PRUNE1: variants seen among roughly 807,000 people sequenced by gnomAD.
The protein encoded by PRUNE1 is exopolyphosphatase PRUNE1.
PRUNE1 carries 25 observed loss-of-function variants against 42.5 expected under a neutral mutation model. The observed-to-expected ratio is 0.59, with a 90% CI of 0.43 to 0.82. The LOEUF (loss-of-function observed/expected upper bound fraction) is 0.82, where lower values mean the gene tolerates loss of function less well. Among genes scored for constraint, PRUNE1 ranks in the 40% least tolerant of loss-of-function variants. The pLI, the probability that PRUNE1 is intolerant of heterozygous loss-of-function variation, is 0.00. For missense variants in PRUNE1, 443 were observed against 539.3 expected (o/e 0.82, Z 1.77); for synonymous variants, 203 against 217.1 (o/e 0.93, Z 0.57).
At chr1:151,032,228 G>A (rs377136568) in intron 7 of PRUNE1, among the ~76,000 whole-genome samples, 10 of 141,710 alleles carry the variant, frequency 7.1e-5, no homozygotes, top group African/African-American at 2.6e-4. Flanking sequence ...CTGGGTAACA[G>A]AGCAAGAATC....
chr1:151,027,804 C>T (rs1380917205), intron 6 of PRUNE1, among the ~76,000 whole-genome samples: 6 of 148,826 alleles, frequency 4.0e-5, no homozygotes, highest in Admixed American at 1.3e-4. Flanking sequence ...ATGTATGTGT[C>T]GATGGGGTCT....
Position 151,026,623 on chromosome 1 carries a change from CA to C in PRUNE1, c.680-602del, listed in dbSNP as rs587668739. On this transcript the variant is annotated intron_variant, in intron 5 of 7. Transcript: ENST00000271620. The stretch of plus-strand genomic sequence containing the variant: ...GAGTAAACAAAAGATGAAGAGAACC[CA>C]AAAAAAACTGTATTCTTGTACTCAG... Among the ~76,000 whole-genome samples the C allele has an allele frequency of 5.4e-3, 815 of 150,882 alleles. 6 individuals carry two copies. Among genetic ancestry groups the C allele is most frequent in the Non-Finnish European group, 8.4e-3 (568 of 67,694 alleles).
chr1:151,028,435 T>G (rs1675017425), intron 6 of PRUNE1, among the ~76,000 whole-genome samples: 1 of 151,940 alleles, frequency 6.6e-6, no homozygotes, highest in Non-Finnish European at 1.5e-5. Context: ...TTTGTTTTTG[T>G]TTTTTGAGAC....
Position 151,025,504 on chromosome 1 carries a change from C to T in PRUNE1, c.521-11C>T. 1 of 1,611,252 alleles carries T rather than the reference C, an allele frequency of 6.2e-7. No homozygotes were observed. Among genetic ancestry groups the T allele is most frequent in the Non-Finnish European group, 8.5e-7 (1 of 1,178,788 alleles). On this transcript the variant is annotated splice_polypyrimidine_tract_variant and intron_variant, in intron 4 of 7. Transcript: ENST00000271620. ...ACAGGATTCAAGTTCCACCATCTCC[C>T]TTCTCCACAGGAACCATCATCCTGG...
At position 151,034,260 on chromosome 1, in the gene PRUNE1, G is replaced by A. The variant is rs924649910; in HGVS notation, c.*26G>A. ...CTGTTGAGAGGCGAGGAGGTAGTGGGTGAGGCTACCTGACTCACTTCAAAT... is the reference window on the plus strand; with the variant it reads ...CTGTTGAGAGGCGAGGAGGTAGTGGATGAGGCTACCTGACTCACTTCAAAT... On this transcript the variant is annotated 3_prime_UTR_variant, in exon 8 of 8. Coordinates refer to ENST00000271620, the MANE Select transcript of PRUNE1 (RefSeq NM_021222.3). The A allele has an allele frequency of 6.3e-7, 1 of 1,590,380 alleles. No homozygotes were observed.
At chr1:151,029,683 G>A (rs1286039248) in intron 7 of PRUNE1, among the ~76,000 whole-genome samples, 1 of 151,352 alleles carries the variant, frequency 6.6e-6, no homozygotes, top group African/African-American at 2.4e-5. Context: ...GAAAGTTTGA[G>A]TCCAGCCTGG....
At position 151,034,021 on chromosome 1, in the gene PRUNE1, G is replaced by A. The variant is rs746704166; in HGVS notation, c.1149G>A (p.Val383=). 6.2e-7 allele frequency: 1 copy of A among 1,614,146 alleles called. No homozygotes were observed. Among genetic ancestry groups the A allele is most frequent in the South Asian group, 1.1e-5 (1 of 91,074 alleles). The change falls in exon 8 of 8, where the codon GTG becomes GTA. Residue 383 remains valine, a synonymous_variant. Coordinates refer to ENST00000271620, the MANE Select transcript of PRUNE1 (RefSeq NM_021222.3). ...CAGCAGATGTGTCCAGGGAGCAAGT[G>A]GACAAGGAATTGGACAGGGCAAGTA... The part of the protein sequence containing the change: ...PETADVSREQ[V]DKELDRASNS...
Position 151,024,721 on chromosome 1 carries a change from C to G in PRUNE1, c.446C>G (p.Ala149Gly), listed in dbSNP as rs1674715254. The G allele has an allele frequency of 3.7e-6, 6 of 1,614,036 alleles. No individual in the cohort carries two copies. In the East Asian group the frequency reaches 1.3e-4, roughly 36 times the overall value. ...HVSVELVGSC[A>G]TLVTERILQG... is the part of the protein sequence containing the mutation. ...TCAGTTGAGCTGGTGGGGTCCTGTG[C>G]TACCCTGGTGACCGAGAGAATCCTG... The change falls in exon 4 of 8, where the codon GCT becomes GGT. Residue 149 changes from alanine (A) to glycine (G), a missense_variant. Coordinates refer to ENST00000271620, the MANE Select transcript of PRUNE1 (RefSeq NM_021222.3).
chr1:151,027,773 T>TGCGC (rs1386451129), intron 6 of PRUNE1, among the ~76,000 whole-genome samples: 10 of 139,644 alleles, frequency 7.2e-5, no homozygotes, highest in African/African-American at 2.9e-4. Flanking sequence ...TGTGTGTGTG[T>TGCGC]GTGTGTGTGC....
At chr1:151,012,770 T>A (rs1382383813) in intron 1 of PRUNE1, among the ~76,000 whole-genome samples, 1 of 151,932 alleles carries the variant, frequency 6.6e-6, no homozygotes. Context: ...ATTATTCTCA[T>A]TTTTTTTGTT....
At chr1:151,026,589 A>G (rs907793549) in intron 5 of PRUNE1, among the ~76,000 whole-genome samples, 1 of 152,130 alleles carries the variant, frequency 6.6e-6, no homozygotes, top group Admixed American at 6.6e-5. Flanking sequence ...GGCAAAAGAA[A>G]TATTTTGTGA....
At chr1:151,017,940 C>A (rs1293854935) in intron 2 of PRUNE1, 36 bp downstream of exon 2, 3 of 1,412,286 alleles carry the variant, frequency 2.1e-6, no homozygotes, top group South Asian at 1.2e-5. Context: ...GATCTGAGTC[C>A]CTCAGAACGA....
At position 151,028,943 on chromosome 1, in the gene PRUNE1, C is replaced by T. The variant is rs139153854; in HGVS notation, c.932C>T (p.Thr311Met). ...IFCPHVALQT[T>M]ICEVLERSHS... ...TGTCCCCATGTGGCACTCCAAACAA[C>T]GGTGAGTCTGTGTCCCTTCTCCAAC... Residue 311 changes from threonine to methionine, a missense_variant and splice_region_variant, in exon 7 of 8, where the codon ACG (threonine) becomes ATG (methionine). Thr to Met is a moderately conservative substitution (Grantham distance 81). Coordinates refer to ENST00000271620, the MANE Select transcript of PRUNE1 (RefSeq NM_021222.3). 584 of 1,611,554 alleles carry T rather than the reference C, an allele frequency of 3.6e-4. No individual in the cohort carries two copies. The highest frequency in any genetic ancestry group is 4.8e-4 in the Non-Finnish European group (564 of 1,177,758).
At chr1:151,024,079 C>T (rs1674659089) in intron 3 of PRUNE1, among the ~76,000 whole-genome samples, 2 of 150,258 alleles carry the variant, frequency 1.3e-5, no homozygotes, top group Admixed American at 1.3e-4. Flanking sequence ...TCCTGGTTAC[C>T]CAGGAGGCTG....
rs1188761072 is a variant in PRUNE1, at chr1:151,024,729, G to C, written c.454G>C (p.Val152Leu). The C allele has an allele frequency of 6.2e-7, 1 of 1,614,028 alleles. No individual in the cohort carries two copies. Among genetic ancestry groups the C allele is most frequent in the Non-Finnish European group, 8.5e-7 (1 of 1,180,034 alleles). The change falls in exon 4 of 8, where the codon GTG becomes CTG. Residue 152 changes from valine (V) to leucine (L), a missense_variant. By Grantham distance (32) the Val-to-Leu change is conservative. Transcript: ENST00000271620. ...VELVGSCATL[V>L]TERILQGAPE... ...GCTGGTGGGGTCCTGTGCTACCCTG[G>C]TGACCGAGAGAATCCTGCAGGGGGC...
intron 5 of PRUNE1, among the ~76,000 whole-genome samples, chr1:151,026,356 G>T (rs1219683035): frequency 6.6e-6 from 1 of 151,898 alleles, no homozygotes; most frequent in Non-Finnish European, 1.5e-5. Flanking sequence ...TACTCAGGAG[G>T]CTGAGGCAGG....
rs756039799 is a variant in PRUNE1, at chr1:151,028,901, G to A, written c.890G>A (p.Arg297Gln). Residue 297 changes from arginine (R) to glutamine (Q), a missense_variant, in exon 7 of 8, where the codon CGG (arginine) becomes CAG (glutamine). By Grantham distance (43) the Arg-to-Gln change is conservative. Coordinates refer to ENST00000271620, the MANE Select transcript of PRUNE1 (RefSeq NM_021222.3). The part of the protein sequence containing the change: ...IFFNTHNEPV[R>Q]QLAIFCPHVA... ...TTCAACACTCACAATGAGCCAGTGC[G>A]GCAGTTGGCTATTTTCTGTCCCCAT... 103 of 1,613,648 alleles carry A rather than the reference G, an allele frequency of 6.4e-5. No individual in the cohort carries two copies. Among genetic ancestry groups the A allele is most frequent in the Middle Eastern group, 1.6e-4 (1 of 6,084 alleles).
In PRUNE1 at chr1:151,035,661, C is replaced by T. The variant is rs957620161; in HGVS notation, c.*1427C>T. 2.0e-5 allele frequency: 3 copies of T among 152,542 alleles called. No homozygotes were observed. The highest frequency in any genetic ancestry group is 7.2e-5 in the African/African-American group (3 of 41,402). The allele number at this position is 152,542 out of a possible 1,614,324, so 9.4% of individuals were successfully genotyped here. A position where few individuals can be genotyped will look rare whatever the true frequency, so the allele number is the denominator to read the frequency against. On this transcript the variant is annotated 3_prime_UTR_variant, in exon 8 of 8. Transcript: ENST00000271620. The stretch of plus-strand genomic sequence containing the variant: ...AACCAAAGGAATTTATGTTTTGTAA[C>T]TTGGGTACTTTATTTTGCATTTTGT...
At chr1:151,017,590 G>T (rs1445584341) in intron 1 of PRUNE1, among the ~76,000 whole-genome samples, 3 of 152,022 alleles carry the variant, frequency 2.0e-5, no homozygotes, top group Non-Finnish European at 2.9e-5. Flanking sequence ...CAAAAAATTA[G>T]CTGGGCATGG....
Sources: allele counts gnomAD v4.1 joint callset (sites outside exome capture counted in the v4.1 genomes callset), GRCh38; gene constraint gnomAD v4.1.1; transcripts MANE v1.5; gene names NCBI Gene and HGNC (gene_info 2026-07-23, HGNC 2026-07-21).